ANK3: variants seen among roughly 807,000 people sequenced by gnomAD.
The protein encoded by ANK3 is ankyrin-3.
A neutral mutation model predicts 370.9 loss-of-function variants in ANK3; 57 were observed. That is an observed-to-expected ratio of 0.15 (90% CI 0.12 to 0.19). The LOEUF is 0.19. ANK3 is among the 10% of genes least tolerant of loss of function. The pLI is 1.00. For missense variants in ANK3, 4,439 were observed against 5,302.1 expected, an observed-to-expected ratio of 0.84 and a Z score of 5.06; for synonymous variants, 1,929 against 1,946.3, an observed-to-expected ratio of 0.99 and a Z score of 0.23.
At position 60,338,896 on chromosome 10, in the gene ANK3, AC is replaced by A. The variant is rs544931279; in HGVS notation, c.114+50528del. On this transcript the variant is annotated intron_variant, in intron 1 of 43. Coordinates refer to ENST00000280772, the MANE Select transcript of ANK3 (RefSeq NM_020987.5). Reference sequence around the variant, plus strand: ...TATTTAATGTAGAAAAATTTTAGTTACCTGAAAGTTTTGTTTGTTTGGTTGT... The same window carrying A: ...TATTTAATGTAGAAAAATTTTAGTTACTGAAAGTTTTGTTTGTTTGGTTGT... 1.6e-3 allele frequency among the ~76,000 whole-genome samples: 244 copies of A among 152,146 alleles called. 1 individual carries two copies. Among genetic ancestry groups the A allele is most frequent in the African/African-American group, 5.7e-3 (238 of 41,510 alleles).
At chr10:60,505,765 A>T (rs867573890) in intron 2 of ANK3, among the ~76,000 whole-genome samples, 1 of 152,174 alleles carries the variant, frequency 6.6e-6, no homozygotes, top group South Asian at 2.1e-4. Context: ...CATCTGTATT[A>T]AAAAACTCTG....
intron 8 of ANK3, among the ~76,000 whole-genome samples, chr10:60,222,166 T>C (rs1040904693): frequency 6.6e-6 from 1 of 152,192 alleles, no homozygotes; most frequent in East Asian, 1.9e-4. Flanking sequence ...GCTCTTCAAG[T>C]AGCCAAAATT....
At chr10:60,343,111 G>T (rs1468629304) in intron 1 of ANK3, among the ~76,000 whole-genome samples, 2 of 152,192 alleles carry the variant, frequency 1.3e-5, no homozygotes, top group Non-Finnish European at 1.5e-5. Flanking sequence ...TTAAGTCAAA[G>T]ATCAGTCCTA....
At chr10:60,383,350 C>A (rs1466304352) in intron 1 of ANK3, among the ~76,000 whole-genome samples, 2 of 152,144 alleles carry the variant, frequency 1.3e-5, no homozygotes, top group Admixed American at 6.6e-5. Flanking sequence ...CCATTACAAC[C>A]CTATCCTAAG....
At chr10:60,606,438 A>G (rs1162931712) in intron 2 of ANK3, among the ~76,000 whole-genome samples, 1 of 152,180 alleles carries the variant, frequency 6.6e-6, no homozygotes. Flanking sequence ...TGATTAAAAT[A>G]TTATGTTTTC....
chr10:60,480,459 G>A (rs1352497291), intron 2 of ANK3, among the ~76,000 whole-genome samples: 1 of 152,044 alleles, frequency 6.6e-6, no homozygotes, highest in African/African-American at 2.4e-5. Flanking sequence ...ATTTCAATTG[G>A]AAGAGGTGAA....
At chr10:60,278,599 T>C (rs2098121919) in intron 4 of ANK3, among the ~76,000 whole-genome samples, 175 bp downstream of exon 4, 2 of 152,146 alleles carry the variant, frequency 1.3e-5, no homozygotes. Context: ...CTCAAACTCC[T>C]GCCTCAAGTG....
intron 1 of ANK3, among the ~76,000 whole-genome samples, chr10:60,336,095 G>GGGGGC (rs1555307643): frequency 7.2e-5 from 11 of 152,042 alleles, no homozygotes; most frequent in African/African-American, 2.2e-4. Flanking sequence ...TTTGGCGGGG[G>GGGGGC]GGGGAAGCTG....
At chr10:60,530,383 A>T (rs528634509) in intron 2 of ANK3, among the ~76,000 whole-genome samples, 15 of 152,122 alleles carry the variant, frequency 9.9e-5, no homozygotes, top group Middle Eastern at 3.2e-3. Flanking sequence ...TAGAACTTAT[A>T]ACAGGCGAGG....
intron 2 of ANK3, among the ~76,000 whole-genome samples, chr10:60,438,418 C>G (rs1021016005): frequency 6.6e-6 from 1 of 152,116 alleles, no homozygotes; most frequent in African/African-American, 2.4e-5. Flanking sequence ...AATTTACTCT[C>G]CCACCTTCCC....
intron 2 of ANK3, among the ~76,000 whole-genome samples, chr10:60,576,910 G>A (rs1196181535): frequency 1.3e-5 from 2 of 152,194 alleles, no homozygotes; most frequent in African/African-American, 2.4e-5. Flanking sequence ...GCTCTGAAGA[G>A]CTTTCTTTGC....
chr10:60,556,088 G>C (rs1046736860), intron 2 of ANK3, among the ~76,000 whole-genome samples: 2 of 152,108 alleles, frequency 1.3e-5, no homozygotes, highest in African/African-American at 4.8e-5. Flanking sequence ...ATCGCTCAGG[G>C]GCATCCTCTG....
chr10:60,694,117 G>C (rs1435609909), intron 1 of ANK3, among the ~76,000 whole-genome samples: 2 of 152,170 alleles, frequency 1.3e-5, no homozygotes, highest in Non-Finnish European at 2.9e-5. Flanking sequence ...AGCCTCAGGA[G>C]CCGATGCGAT....
At chr10:60,241,487 C>A (rs1181493091) in intron 7 of ANK3, among the ~76,000 whole-genome samples, 1 of 152,108 alleles carries the variant, frequency 6.6e-6, no homozygotes, top group Non-Finnish European at 1.5e-5. Context: ...ACCTATATTA[C>A]AGGTAAGGAA....
intron 2 of ANK3, among the ~76,000 whole-genome samples, chr10:60,528,343 C>T (rs2076527447): frequency 6.6e-6 from 1 of 151,880 alleles, no homozygotes; most frequent in Non-Finnish European, 1.5e-5. Flanking sequence ...TCCATGTTGG[C>T]CAGGCTGGTC....
chr10:60,109,150 A>G, intron 26 of ANK3, 96 bp from the exon 27 acceptor site: 1 of 892,680 alleles, frequency 1.1e-6, no homozygotes, highest in South Asian at 1.6e-5. Flanking sequence ...TTAAAGCGAC[A>G]GACAATGTAG....
chr10:60,307,331 CT>C (rs2045362292), intron 1 of ANK3, among the ~76,000 whole-genome samples: 1 of 151,814 alleles, frequency 6.6e-6, no homozygotes, highest in African/African-American at 2.4e-5. Context: ...TAGTTGTAAA[CT>C]TTTTGTTATT....
At chr10:60,363,560 T>C (rs1305589077) in intron 1 of ANK3, among the ~76,000 whole-genome samples, 2 of 152,174 alleles carry the variant, frequency 1.3e-5, no homozygotes, top group Admixed American at 1.3e-4. Flanking sequence ...ACACGACCCT[T>C]TCTAGGTTGG....
intron 1 of ANK3, among the ~76,000 whole-genome samples, chr10:60,644,456 A>G (rs1245199948): frequency 3.9e-5 from 6 of 152,228 alleles, no homozygotes; most frequent in Non-Finnish European, 8.8e-5. Context: ...TACATTCATC[A>G]CTAAATAAAA....
Sources: allele counts gnomAD v4.1 joint callset (sites outside exome capture counted in the v4.1 genomes callset), GRCh38; gene constraint gnomAD v4.1.1; transcripts MANE v1.5; gene names NCBI Gene and HGNC (gene_info 2026-07-23, HGNC 2026-07-21).